The following VCAN variants were observed in gnomAD, a reference collection of about 807,000 sequenced individuals.
VCAN encodes versican.
A neutral mutation model predicts 245.5 loss-of-function variants in VCAN; 44 were observed. The observed-to-expected ratio is 0.18, with a 90% CI of 0.14 to 0.23. The LOEUF is 0.23. Among genes scored for constraint, VCAN ranks in the 10% least tolerant of loss-of-function variants. The probability of loss-of-function intolerance (pLI) is 1.00; values close to 1 mark genes in which losing one functional copy is unlikely to be tolerated. For synonymous variants in VCAN, 1,413 were observed against 1,437.0 expected (o/e 0.98, Z 0.38); for missense variants, 3,793 against 4,057.9 (o/e 0.93, Z 1.77).
intron 6 of VCAN, among the ~76,000 whole-genome samples, chr5:83,513,893 G>A (rs990167091): frequency 1.3e-5 from 2 of 152,128 alleles, no homozygotes; most frequent in African/African-American, 4.8e-5. Context: ...GGAACGAATA[G>A]AATTATCCAG....
chr5:83,572,861 T>TTTTA (rs138181383), intron 13 of VCAN, among the ~76,000 whole-genome samples: 7,752 of 142,894 alleles, frequency 0.054, 299 homozygotes, highest in African/African-American at 0.11. Flanking sequence ...ACCTTTTTAT[T>TTTTA]TTTATTTATT....
chr5:83,537,512 A>G lies in VCAN; in HGVS notation c.4509A>G (p.Thr1503=). 6.2e-7 allele frequency: 1 copy of G among 1,613,948 alleles called. No homozygotes were observed. Among genetic ancestry groups the G allele is most frequent in the Non-Finnish European group, 8.5e-7 (1 of 1,179,952 alleles). ...FSGGEPDVFP[T]VPFHEEFESG... is the part of the protein sequence containing the mutation. The stretch of plus-strand genomic sequence containing the variant: ...GTGGTGAGCCTGATGTTTTCCCCAC[A>G]GTCCCATTCCATGAGGAATTTGAAA... Residue 1503 remains threonine, a synonymous_variant, in exon 8 of 15, where the codon ACA becomes ACG. Transcript: ENST00000265077.
Position 83,580,564 on chromosome 5 carries a change from T to A in VCAN, c.*130T>A. ...TGGACCACCGTTCAGTCATTTTGGGTTGCCGTGCTCCCAAAACATTTTAAA... is the reference window on the plus strand; with the variant it reads ...TGGACCACCGTTCAGTCATTTTGGGATGCCGTGCTCCCAAAACATTTTAAA... On this transcript the variant is annotated 3_prime_UTR_variant, in exon 15 of 15. Coordinates refer to ENST00000265077, the MANE Select transcript of VCAN (RefSeq NM_004385.5). 7.2e-7 allele frequency: 1 copy of A among 1,390,958 alleles called. No individual in the cohort carries two copies. The highest frequency in any genetic ancestry group is 2.5e-5 in the East Asian group (1 of 39,890). 86.2% of individuals were successfully genotyped at this position (1,390,958 alleles called of 1,614,324 possible). A position where few individuals can be genotyped will look rare whatever the true frequency, so the allele number is the denominator to read the frequency against.
At chr5:83,574,056 A>G (rs1280368551) in intron 13 of VCAN, among the ~76,000 whole-genome samples, 10 of 152,160 alleles carry the variant, frequency 6.6e-5, no homozygotes, top group African/African-American at 2.4e-4. Context: ...CTGGTGTGTA[A>G]GTCCTGGAAT....
intron 5 of VCAN, among the ~76,000 whole-genome samples, chr5:83,511,613 G>C (rs1030510921): frequency 1.3e-5 from 2 of 150,922 alleles, no homozygotes; most frequent in Non-Finnish European, 2.9e-5. Context: ...CACTTTGTCG[G>C]TAGTTATAAA....
chr5:83,519,276 A>G lies in VCAN; in HGVS notation c.1043-73A>G, dbSNP rs542583318. ...TACTCCCTACAAAATACTCAGGAGC[A>G]CTTAACAAACACTGGGCATACAAGT... On this transcript the variant is annotated intron_variant, in intron 6 of 14. Coordinates refer to ENST00000265077, the MANE Select transcript of VCAN (RefSeq NM_004385.5). 3.0e-5 allele frequency: 46 copies of G among 1,510,846 alleles called. No individual in the cohort carries two copies. The South Asian group carries it at 4.9e-4, about 16-fold the overall frequency. 93.6% of individuals were successfully genotyped at this position (1,510,846 alleles called of 1,614,324 possible).
Position 83,541,948 on chromosome 5 carries a change from C to T in VCAN, c.8945C>T (p.Ala2982Val), listed in dbSNP as rs138327545. Residue 2982 changes from alanine to valine, a missense_variant, in exon 8 of 15, where the codon GCC becomes GTC. Around this residue, in one of 5 missense-constraint regions of VCAN, gnomAD observed 3,182 missense variants for 3,250.3 expected, o/e 0.98. Coordinates refer to ENST00000265077, the MANE Select transcript of VCAN (RefSeq NM_004385.5). ...TQWPHSTSAS[A>V]TYGVEAGVVP... ...TGGCCACACTCTACTTCTGCTTCTG[C>T]CACCTATGGGGTCGAGGCAGGTGTG... 1.9e-6 allele frequency: 3 copies of T among 1,613,940 alleles called. No individual in the cohort carries two copies. Among genetic ancestry groups the T allele is most frequent in the Non-Finnish European group, 1.7e-6 (2 of 1,179,994 alleles).
intron 9 of VCAN, among the ~76,000 whole-genome samples, chr5:83,546,664 G>A (rs1747238954): frequency 6.6e-6 from 1 of 151,868 alleles, no homozygotes; most frequent in Non-Finnish European, 1.5e-5. Flanking sequence ...GATTGCTTAA[G>A]CCCAGAAGGT....
Position 83,493,650 on chromosome 5 carries a change from C to G in VCAN, c.550C>G (p.Gln184Glu). Residue 184 changes from glutamine to glutamate, a missense_variant, in exon 4 of 15, where the codon CAG becomes GAG. Transcript: ENST00000265077. ...DVGAVIATPE[Q>E]LFAAYEDGFE... ...TGGGGCAGTCATAGCAACTCCAGAG[C>G]AGCTCTTTGCTGCCTATGAAGATGG... The G allele has an allele frequency of 6.2e-7, 1 of 1,614,148 alleles. No individual in the cohort carries two copies. Among genetic ancestry groups the G allele is most frequent in the Non-Finnish European group, 8.5e-7 (1 of 1,180,032 alleles).
At chr5:83,531,621 T>C (rs1167140424) in intron 7 of VCAN, among the ~76,000 whole-genome samples, 1 of 152,186 alleles carries the variant, frequency 6.6e-6, no homozygotes, top group African/African-American at 2.4e-5. Context: ...CTGAGTAGAT[T>C]GGTGTACATT....
Position 83,538,696 on chromosome 5 carries a change from A to C in VCAN, c.5693A>C (p.Asn1898Thr). The C allele has an allele frequency of 6.2e-7, 1 of 1,614,106 alleles. No homozygotes were observed. The highest frequency in any genetic ancestry group is 8.5e-7 in the Non-Finnish European group (1 of 1,179,980). The change falls in exon 8 of 15, where the codon AAT becomes ACT. Residue 1898 changes from asparagine to threonine, a missense_variant. Physicochemically the swap from Asn to Thr is moderately conservative, Grantham distance 65. Around this residue, in one of 5 missense-constraint regions of VCAN, gnomAD observed 3,182 missense variants for 3,250.3 expected, o/e 0.98. Transcript: ENST00000265077. ...STVMDRVVAE[N>T]ITQTSREIVI... ...GTAATGGACAGAGTAGTTGCTGAAA[A>C]TATAACCCAAACATCCAGGGAAATA...
chr5:83,542,134 C>A lies in VCAN; in HGVS notation c.9131C>A (p.Ala3044Glu). The change falls in exon 8 of 15, where the codon GCA becomes GAA. Residue 3044 changes from alanine to glutamate, a missense_variant. Around this residue, in one of 5 missense-constraint regions of VCAN, gnomAD observed 3,182 missense variants for 3,250.3 expected, o/e 0.98. Coordinates refer to ENST00000265077, the MANE Select transcript of VCAN (RefSeq NM_004385.5). ...AARILDSNDQ[A>E]TVNPVEFNTE... ...AGAATTCTTGATTCCAATGATCAGG[C>A]AACAGTAAACCCTGTGGAATTTAAT... The A allele has an allele frequency of 6.2e-7, 1 of 1,614,066 alleles. No homozygotes were observed. Among genetic ancestry groups the A allele is most frequent in the Non-Finnish European group, 8.5e-7 (1 of 1,179,968 alleles).
At position 83,519,024 on chromosome 5, in the gene VCAN, A is replaced by G. The variant is rs138085408; in HGVS notation, c.1043-325A>G. On this transcript the variant is annotated intron_variant, in intron 6 of 14. Transcript: ENST00000265077. The stretch of plus-strand genomic sequence containing the variant: ...ACAATCTACTGTATCTAAAATCTGC[A>G]TTTATATTTTTGGGAGCTTTTCCTT... Among the ~76,000 whole-genome samples, 190 of 152,312 alleles carry G rather than the reference A, an allele frequency of 1.2e-3. 4 individuals carry two copies. The East Asian group carries it at 0.035, about 28-fold the overall frequency.
chr5:83,510,311 C>T (rs555473685), intron 5 of VCAN, among the ~76,000 whole-genome samples: 1 of 152,302 alleles, frequency 6.6e-6, no homozygotes, highest in Admixed American at 6.5e-5. Context: ...TGGCCATTTT[C>T]CCCATGACTA....
intron 7 of VCAN, among the ~76,000 whole-genome samples, chr5:83,529,699 A>G (rs912384083): frequency 2.0e-5 from 3 of 152,140 alleles, no homozygotes; most frequent in African/African-American, 7.2e-5. Flanking sequence ...AATTTATAAT[A>G]ATACTACAAC....
At position 83,539,968 on chromosome 5, in the gene VCAN, A is replaced by G; in HGVS notation, c.6965A>G (p.Glu2322Gly). 1 of 1,614,150 alleles carries G rather than the reference A, an allele frequency of 6.2e-7. No homozygotes were observed. The highest frequency in any genetic ancestry group is 1.7e-5 in the Admixed American group (1 of 60,012). ...CTCGTATCTCAAACAGACATCTTTG[A>G]AGGTAGTGGGTCAGTAACCAGCACA... ...GPLVSQTDIFEGSGSVTSTTL... is the reference protein window; with the variant it reads ...GPLVSQTDIFGGSGSVTSTTL... The change falls in exon 8 of 15, where the codon GAA becomes GGA. Residue 2322 changes from glutamate (E) to glycine (G), a missense_variant. Glu to Gly is a moderately conservative substitution (Grantham distance 98, BLOSUM62 -2). Coordinates refer to ENST00000265077, the MANE Select transcript of VCAN (RefSeq NM_004385.5).
intron 6 of VCAN, among the ~76,000 whole-genome samples, chr5:83,515,035 G>A (rs1201813497): frequency 1.3e-5 from 2 of 152,144 alleles, no homozygotes; most frequent in Non-Finnish European, 1.5e-5. Context: ...ATCGTACCTT[G>A]CTTTAATTCC....
intron 13 of VCAN, among the ~76,000 whole-genome samples, chr5:83,573,175 G>A (rs1748353616): frequency 6.6e-6 from 1 of 152,084 alleles, no homozygotes; most frequent in Admixed American, 6.6e-5. Context: ...TGGGATTACA[G>A]GCTTGAGCCA....
chr5:83,533,779 T>C (rs1356323616), intron 7 of VCAN, among the ~76,000 whole-genome samples: 1 of 152,128 alleles, frequency 6.6e-6, no homozygotes, highest in Admixed American at 6.6e-5. Flanking sequence ...TATGATAGTC[T>C]AAAATGGCAA....
Sources: gnomAD v4.1 joint callset for allele counts (sites outside exome capture counted in the v4.1 genomes callset) on GRCh38, gnomAD v4.1.1 for gene constraint, gnomAD v4.1.1 regional missense constraint, MANE v1.5 for transcripts, NCBI Gene and HGNC (gene_info 2026-07-23, HGNC 2026-07-21) for gene names.